SOX13: variants seen among roughly 807,000 people sequenced by gnomAD.
The protein encoded by SOX13 is SRY-box transcription factor 13, also known as transcription factor SOX-13.
Under a neutral mutation model 71.8 loss-of-function variants are expected in SOX13, and 28 were observed. The ratio of observed to expected loss-of-function variants is 0.39; its 90% CI spans 0.29 to 0.53. The LOEUF (loss-of-function observed/expected upper bound fraction) is 0.53, where lower values mean the gene tolerates loss of function less well. Ranked by LOEUF, SOX13 falls within the 20% of genes least tolerant of loss-of-function variation. SOX13 has a pLI of 0.70. For missense variants in SOX13, 627 were observed against 810.3 expected, an observed-to-expected ratio of 0.77 and a Z score of 2.75; for synonymous variants, 309 against 317.8, an observed-to-expected ratio of 0.97 and a Z score of 0.29.
chr1:204,078,556 C>G (rs938795113), intron 1 of SOX13, among the ~76,000 whole-genome samples: 1 of 152,164 alleles, frequency 6.6e-6, no homozygotes, highest in African/African-American at 2.4e-5. Flanking sequence ...TAAGAGGGCT[C>G]GCTCCTGCCT....
intron 1 of SOX13, among the ~76,000 whole-genome samples, chr1:204,107,403 G>C (rs1656491297): frequency 6.6e-6 from 1 of 152,120 alleles, no homozygotes; most frequent in Admixed American, 6.5e-5. Context: ...CAGACCCCCA[G>C]CTGCAGAGTG....
chr1:204,101,892 C>T (rs1656367871), intron 1 of SOX13, among the ~76,000 whole-genome samples: 1 of 152,160 alleles, frequency 6.6e-6, no homozygotes, highest in African/African-American at 2.4e-5. Context: ...TGGGCTTTGC[C>T]TGTGTTATCT....
At chr1:204,091,113 T>C (rs1242651079) in intron 1 of SOX13, among the ~76,000 whole-genome samples, 1 of 152,236 alleles carries the variant, frequency 6.6e-6, no homozygotes, top group Non-Finnish European at 1.5e-5. Flanking sequence ...AGAACACTGT[T>C]CTTTTCCTTT....
At position 204,122,350 on chromosome 1, in the gene SOX13, T is replaced by C; in HGVS notation, c.975T>C (p.His325=). 6.4e-7 allele frequency: 1 copy of C among 1,563,274 alleles called. No individual in the cohort carries two copies. Among genetic ancestry groups the C allele is most frequent in the East Asian group, 2.4e-5 (1 of 41,966 alleles). ...MSSCVPRPPS[H]GGPTRDLQSS... ...GCTGTGTGCCCCGCCCCCCCAGCCA[T>C]GGAGGCCCCACGCGGGACCTGCAGT... The change falls in exon 9 of 14, where the codon CAT becomes CAC. Residue 325 remains histidine (H), a synonymous_variant. Transcript: ENST00000367204.
chr1:204,078,364 C>T (rs1376242669), intron 1 of SOX13, among the ~76,000 whole-genome samples: 1 of 152,114 alleles, frequency 6.6e-6, no homozygotes, highest in Non-Finnish European at 1.5e-5. Flanking sequence ...GGTAAGTCTC[C>T]AGGAAGCTGA....
chr1:204,099,696 T>C (rs544560681), intron 1 of SOX13, among the ~76,000 whole-genome samples: 56 of 152,194 alleles, frequency 3.7e-4, no homozygotes, highest in African/African-American at 1.2e-3. Flanking sequence ...TACAAGTGTG[T>C]GCCACTGCGC....
At position 204,117,198 on chromosome 1, in the gene SOX13, G is replaced by A. The variant is rs1656712424; in HGVS notation, c.660+8G>A. 1 of 1,613,518 alleles carries A rather than the reference G, an allele frequency of 6.2e-7. No homozygotes were observed. Among genetic ancestry groups the A allele is most frequent in the Non-Finnish European group, 8.5e-7 (1 of 1,179,574 alleles). ...CTTCAGCAGCAGATCCAGGTAACCGGAGGGGAGACCCGGAGAGGCACAGGA... is the reference window on the plus strand; with the variant it reads ...CTTCAGCAGCAGATCCAGGTAACCGAAGGGGAGACCCGGAGAGGCACAGGA... On this transcript the variant is annotated splice_region_variant and intron_variant, in intron 6 of 13. Transcript: ENST00000367204.
At chr1:204,090,510 G>A (rs1283625562) in intron 1 of SOX13, among the ~76,000 whole-genome samples, 2 of 151,268 alleles carry the variant, frequency 1.3e-5, no homozygotes, top group African/African-American at 4.9e-5. Flanking sequence ...CAGGGTTCAA[G>A]CGATTCTCCT....
intron 1 of SOX13, among the ~76,000 whole-genome samples, chr1:204,109,517 G>C (rs927657520): frequency 3.9e-5 from 6 of 152,188 alleles, no homozygotes; most frequent in Non-Finnish European, 8.8e-5. Flanking sequence ...TAGCCTAGGA[G>C]AAATAGGCTA....
chr1:204,124,544 C>A (rs1287421958), intron 12 of SOX13, 97 bp from the exon 13 acceptor site: 5 of 991,450 alleles, frequency 5.0e-6, no homozygotes, highest in Non-Finnish European at 7.6e-6. Flanking sequence ...ATCTTATGGA[C>A]CCACCTGGGG....
At chr1:204,117,787 C>A (rs771284391) in intron 7 of SOX13, 80 bp downstream of exon 7, 2 of 877,246 alleles carry the variant, frequency 2.3e-6, no homozygotes, top group Non-Finnish European at 3.7e-6. Flanking sequence ...CCACTCTCAT[C>A]CATTAATTTG....
chr1:204,089,035 A>T (rs1009135633), intron 1 of SOX13, among the ~76,000 whole-genome samples: 1 of 152,062 alleles, frequency 6.6e-6, no homozygotes, highest in Non-Finnish European at 1.5e-5. Flanking sequence ...CCTTGCAGGA[A>T]ACAGTGTTGA....
rs761353816 is a variant in SOX13 at position 204,113,072 on chromosome 1, C to T, written c.157C>T (p.Arg53Trp). 11 of 1,602,436 alleles carry T rather than the reference C, an allele frequency of 6.9e-6. No homozygotes were observed. The highest frequency in any genetic ancestry group is 6.8e-5 in the East Asian group (3 of 44,320). ...TGAACCTCAGCCTGGAGACCCAGCC[C>T]GGGCCTCCCAGGATAGTGCTGACCC... ...AAEPQPGDPA[R>W]ASQDSADPQA... Residue 53 changes from arginine to tryptophan, a missense_variant, in exon 2 of 14, where the codon CGG becomes TGG. Transcript: ENST00000367204.
chr1:204,099,512 A>G (rs553899796), intron 1 of SOX13, among the ~76,000 whole-genome samples: 2 of 145,438 alleles, frequency 1.4e-5, no homozygotes, highest in African/African-American at 5.1e-5. Context: ...TGCAGCCCCA[A>G]CCTCCTGTGC....
chr1:204,116,513 A>G lies in SOX13; in HGVS notation c.425A>G (p.Gln142Arg). 1.2e-6 allele frequency: 2 copies of G among 1,613,918 alleles called. No homozygotes were observed. The highest frequency in any genetic ancestry group is 1.7e-6 in the Non-Finnish European group (2 of 1,179,808). ...CTGTTTCACTGTGGAGCAGGGACCC[A>G]AGAGAGCCTAGCAGAGAAGGAGCTC... ...SMEAKDVKGT[Q>R]ESLAEKELQL... The change falls in exon 5 of 14, where the codon CAA becomes CGA. Residue 142 changes from glutamine to arginine, a missense_variant. Physicochemically the swap from Gln to Arg is conservative, Grantham distance 43. Around this residue, in one of 3 missense-constraint regions of SOX13, gnomAD observed 447 missense variants for 532.2 expected, o/e 0.84. Transcript: ENST00000367204.
intron 1 of SOX13, among the ~76,000 whole-genome samples, chr1:204,109,931 C>G (rs1656544537): frequency 6.6e-6 from 1 of 152,096 alleles, no homozygotes; most frequent in South Asian, 2.1e-4. Context: ...CGCCCGGGTT[C>G]AAGAGATTCT....
In SOX13 at chr1:204,125,972, C is replaced by G. The variant is rs763597312; in HGVS notation, c.1707C>G (p.Pro569=). Reference sequence around the variant, plus strand: ...ACTATGTCCCTCGTAGCCTGGACCCCAACATGCCTGTGATCGTCAACACCT... The same window carrying G: ...ACTATGTCCCTCGTAGCCTGGACCCGAACATGCCTGTGATCGTCAACACCT... ...VEHYVPRSLD[P]NMPVIVNTCS... is the part of the protein sequence containing the mutation. The change falls in exon 14 of 14, where the codon CCC becomes CCG. Residue 569 remains proline (P), a synonymous_variant. Transcript: ENST00000367204. The G allele has an allele frequency of 1.2e-6, 2 of 1,613,958 alleles. No homozygotes were observed. Among genetic ancestry groups the G allele is most frequent in the Non-Finnish European group, 1.7e-6 (2 of 1,179,896 alleles).
At chr1:204,089,184 G>A (rs1444219298) in intron 1 of SOX13, among the ~76,000 whole-genome samples, 1 of 117,958 alleles carries the variant, frequency 8.5e-6, no homozygotes, top group African/African-American at 2.8e-5. Context: ...AAGATGCATG[G>A]GGGGGTGGGG....
intron 1 of SOX13, among the ~76,000 whole-genome samples, chr1:204,080,637 C>T (rs987129068): frequency 1.3e-5 from 2 of 152,110 alleles, no homozygotes; most frequent in South Asian, 4.2e-4. Context: ...GCCTTGGTCC[C>T]GCCCCTCCCA....
Sources: gnomAD v4.1 joint callset for allele counts (sites outside exome capture counted in the v4.1 genomes callset) on GRCh38, gnomAD v4.1.1 for gene constraint, gnomAD v4.1.1 regional missense constraint, MANE v1.5 for transcripts, NCBI Gene and HGNC (gene_info 2026-07-23, HGNC 2026-07-21) for gene names.